The following COL11A1 variants were observed in gnomAD, a reference collection of about 807,000 sequenced individuals.
The protein encoded by COL11A1 is collagen alpha-1(XI) chain.
In COL11A1, 74 loss-of-function variants were observed where a neutral mutation model predicts 265.2. The observed-to-expected ratio is 0.28, with a 90% CI of 0.23 to 0.34. The LOEUF (loss-of-function observed/expected upper bound fraction) is 0.34, where lower values mean the gene tolerates loss of function less well. Among genes scored for constraint, COL11A1 ranks in the 10% least tolerant of loss-of-function variants. The probability of loss-of-function intolerance (pLI) is 1.00; values close to 1 mark genes in which losing one functional copy is unlikely to be tolerated. For missense variants in COL11A1, 2,165 were observed against 2,263.6 expected, an observed-to-expected ratio of 0.96 and a Z score of 0.88; for synonymous variants, 816 against 727.6, an observed-to-expected ratio of 1.12 and a Z score of -1.96.
At chr1:103,009,916 C>T (rs1665957433) in intron 14 of COL11A1, among the ~76,000 whole-genome samples, 1 of 152,100 alleles carries the variant, frequency 6.6e-6, no homozygotes, top group Non-Finnish European at 1.5e-5. Flanking sequence ...TACATTAAAT[C>T]AGATTATTAA....
intron 41 of COL11A1, among the ~76,000 whole-genome samples, chr1:102,960,415 G>A (rs1281536673): frequency 4.0e-5 from 6 of 151,836 alleles, no homozygotes; most frequent in Non-Finnish European, 5.9e-5. Flanking sequence ...AGCCTAATGC[G>A]AGAGACAGCC....
intron 49 of COL11A1, among the ~76,000 whole-genome samples, chr1:102,916,806 AT>A (rs1242109975): frequency 1.3e-5 from 2 of 151,512 alleles, no homozygotes; most frequent in Non-Finnish European, 3.0e-5. Flanking sequence ...TACTTCCAGA[AT>A]TTTTGGATAA....
At chr1:103,016,825 A>T (rs975825879) in intron 11 of COL11A1, among the ~76,000 whole-genome samples, 6 of 152,016 alleles carry the variant, frequency 3.9e-5, no homozygotes, top group Non-Finnish European at 7.4e-5. Context: ...ATAATTTTTT[A>T]AAATCCTAAC....
chr1:103,072,565 A>T (rs115218197), intron 4 of COL11A1, among the ~76,000 whole-genome samples: 2,181 of 151,922 alleles, frequency 0.014, 41 homozygotes, highest in African/African-American at 0.05. Flanking sequence ...ATTATAATAT[A>T]AACCAAAAAT....
chr1:103,096,717 T>TA (rs1673798797), intron 1 of COL11A1, among the ~76,000 whole-genome samples: 1 of 151,898 alleles, frequency 6.6e-6, no homozygotes, highest in Non-Finnish European at 1.5e-5. Flanking sequence ...CTTTAAGACT[T>TA]AAAAAAATGC....
intron 50 of COL11A1, 116 bp downstream of exon 50, chr1:102,915,515 G>A (rs1418358155): frequency 3.5e-6 from 3 of 864,386 alleles, no homozygotes; most frequent in Admixed American, 1.7e-5. Context: ...TCCTTAATGA[G>A]TTGGGAAGGG....
chr1:102,948,364 A>T (rs188983309), intron 41 of COL11A1, among the ~76,000 whole-genome samples: 51 of 152,196 alleles, frequency 3.4e-4, no homozygotes, highest in Middle Eastern at 6.8e-3. Context: ...TAGTTAAGAG[A>T]ACCCTGAGCT....
chr1:103,057,746 T>C (rs534689782), intron 4 of COL11A1, among the ~76,000 whole-genome samples: 6 of 152,202 alleles, frequency 3.9e-5, no homozygotes, highest in African/African-American at 1.2e-4. Flanking sequence ...AGAATCATTT[T>C]TTTTCTCAGC....
intron 7 of COL11A1, among the ~76,000 whole-genome samples, chr1:103,024,788 T>C (rs1667390481): frequency 6.6e-6 from 1 of 152,162 alleles, no homozygotes; most frequent in African/African-American, 2.4e-5. Flanking sequence ...ACATTTTACA[T>C]AAATTTTCTT....
chr1:102,898,118 T>C lies in COL11A1; in HGVS notation c.4302+7A>G. The C allele has an allele frequency of 6.4e-7, 1 of 1,553,562 alleles. No homozygotes were observed. Among genetic ancestry groups the C allele is most frequent in the Non-Finnish European group, 8.8e-7 (1 of 1,140,872 alleles). ...ACTTTTTAAATGACTGAAAAGATCT[T>C]ACTCACCATAGGACCAGGTGGTCCA... is the stretch of plus-strand genomic sequence containing the variant. On this transcript the variant is annotated splice_region_variant and intron_variant, in intron 57 of 66. Transcript: ENST00000370096.
At chr1:103,049,377 C>A (rs1669593715) in intron 4 of COL11A1, among the ~76,000 whole-genome samples, 1 of 152,020 alleles carries the variant, frequency 6.6e-6, no homozygotes, top group Non-Finnish European at 1.5e-5. Context: ...CTCTTTTGAT[C>A]TTTGTTGGTT....
chr1:102,974,958 T>C, intron 35 of COL11A1, 75 bp from the exon 36 acceptor site: 2 of 1,072,840 alleles, frequency 1.9e-6, no homozygotes, highest in Non-Finnish European at 2.9e-6. Flanking sequence ...GAGGTTTATT[T>C]ACATAGACAA....
intron 4 of COL11A1, among the ~76,000 whole-genome samples, chr1:103,059,338 C>T (rs1670481792): frequency 6.6e-6 from 1 of 152,050 alleles, no homozygotes; most frequent in Non-Finnish European, 1.5e-5. Context: ...GGCTCAGGCT[C>T]ACCAAAATCT....
chr1:102,996,147 ACTGC>A (rs1664604696), intron 26 of COL11A1, 105 bp from the exon 27 acceptor site: 1 of 1,151,434 alleles, frequency 8.7e-7, no homozygotes, highest in Non-Finnish European at 1.3e-6. Context: ...GTTTTTTTCT[ACTGC>A]TAATATTTGA....
At chr1:103,107,787 A>G (rs1162022600) in intron 1 of COL11A1, among the ~76,000 whole-genome samples, 2 of 151,916 alleles carry the variant, frequency 1.3e-5, no homozygotes, top group Non-Finnish European at 2.9e-5. Flanking sequence ...TCCTCTTTTC[A>G]AAGAGGCTGG....
Position 103,022,056 on chromosome 1 carries a change from G to A in COL11A1, c.1246-287C>T, listed in dbSNP as rs868449559. Among the ~76,000 whole-genome samples the A allele has an allele frequency of 2.3e-4, 34 of 147,642 alleles. No homozygotes were observed. The Middle Eastern group carries it at 0.01, about 46-fold the overall frequency. On this transcript the variant is annotated intron_variant, in intron 8 of 66. Transcript: ENST00000370096. Reference sequence around the variant, plus strand: ...TTTTTAGTAGAGATCGGTTTTCGCCGTGTTGCCCAAGCTGGTTTAGAATGC... The same window carrying A: ...TTTTTAGTAGAGATCGGTTTTCGCCATGTTGCCCAAGCTGGTTTAGAATGC...
chr1:103,018,948 C>T (rs1416524932), intron 9 of COL11A1, 89 bp from the exon 10 acceptor site: 2 of 985,852 alleles, frequency 2.0e-6, no homozygotes, highest in African/African-American at 1.6e-5. Context: ...TATATCATTG[C>T]ATATTAAATA....
intron 28 of COL11A1, among the ~76,000 whole-genome samples, chr1:102,993,223 C>T (rs571860976): frequency 1.3e-5 from 2 of 152,192 alleles, no homozygotes; most frequent in East Asian, 3.9e-4. Context: ...CATTATTTTT[C>T]GTATAGGCAA....
intron 24 of COL11A1, 144 bp downstream of exon 24, chr1:103,001,781 T>C: frequency 1.4e-6 from 1 of 730,902 alleles, no homozygotes; most frequent in South Asian, 1.6e-5. Flanking sequence ...CCACACTATA[T>C]TTCCATGTCG....
Sources: gnomAD v4.1 joint callset for allele counts (sites outside exome capture counted in the v4.1 genomes callset) on GRCh38, gnomAD v4.1.1 for gene constraint, MANE v1.5 for transcripts, NCBI Gene and HGNC (gene_info 2026-07-23, HGNC 2026-07-21) for gene names.